The following ABCC8 variants were observed in gnomAD, a reference collection of about 807,000 sequenced individuals.
ABCC8 encodes the protein ATP-binding cassette sub-family C member 8.
Under a neutral mutation model 188.0 loss-of-function variants are expected in ABCC8, and 137 were observed. That is an observed-to-expected ratio of 0.73 (90% CI 0.63 to 0.84). The LOEUF is 0.84. Ranked by LOEUF, ABCC8 falls within the 40% of genes least tolerant of loss-of-function variation. ABCC8 has a pLI of 0.00. For synonymous variants in ABCC8, 797 were observed against 846.5 expected (o/e 0.94, Z 1.01); for missense variants, 1,750 against 2,072.7 (o/e 0.84, Z 3.02).
intron 33 of ABCC8, chr11:17,396,651 C>T (rs924738276): frequency 3.9e-5 from 20 of 509,462 alleles, no homozygotes; most frequent in Admixed American, 2.9e-4. Context: ...TGACAAAGCC[C>T]GTGTGAGCTG....
chr11:17,422,364 TG>T (rs901089252), intron 16 of ABCC8, among the ~76,000 whole-genome samples: 5 of 152,200 alleles, frequency 3.3e-5, no homozygotes, highest in Non-Finnish European at 1.5e-5. Flanking sequence ...CATCATCCTT[TG>T]TCATAAGCAT....
chr11:17,448,068 A>G (rs1956607423), intron 8 of ABCC8: 2 of 192,320 alleles, frequency 1.0e-5, no homozygotes, highest in Admixed American at 1.1e-4. Context: ...GCTACAACAT[A>G]GCTTTTAAGA....
intron 10 of ABCC8, among the ~76,000 whole-genome samples, chr11:17,439,605 C>T (rs1206249763): frequency 6.6e-6 from 1 of 152,126 alleles, no homozygotes; most frequent in Non-Finnish European, 1.5e-5. Context: ...TCTCCCCCTC[C>T]CACTGCTGAC....
intron 29 of ABCC8, among the ~76,000 whole-genome samples, chr11:17,401,841 C>T (rs12271262): frequency 5.2e-4 from 73 of 139,230 alleles, no homozygotes; most frequent in Middle Eastern, 7.0e-3. Flanking sequence ...GGTAGTGAGA[C>T]GATGGCAGGG....
intron 29 of ABCC8, chr11:17,398,962 A>G (rs1352490454): frequency 5.5e-6 from 1 of 182,624 alleles, no homozygotes; most frequent in South Asian, 1.2e-4. Flanking sequence ...CCTCTCCCCC[A>G]CTGTTTAGAA....
rs1429527957 is a variant in ABCC8, at chr11:17,474,910, A to G, written c.266T>C (p.Ile89Thr). 6.2e-7 allele frequency: 1 copy of G among 1,613,990 alleles called. No individual in the cohort carries two copies. The highest frequency in any genetic ancestry group is 1.7e-5 in the Admixed American group (1 of 60,006). The stretch of plus-strand genomic sequence containing the variant: ...CCCATCAGACAGGATGCCCTCTGCA[A>G]TCTCACACACCAGGACGAAGAGCAG... ...FMLLFVLVCE[I>T]AEGILSDGVT... Residue 89 changes from isoleucine (I) to threonine (T), a missense_variant, in exon 2 of 39, where the codon ATT becomes ACT. Transcript: ENST00000389817.
chr11:17,438,877 C>G (rs1366784526), intron 10 of ABCC8, among the ~76,000 whole-genome samples: 4 of 152,210 alleles, frequency 2.6e-5, no homozygotes, highest in African/African-American at 9.7e-5. Context: ...GTCCTCTCTG[C>G]TGTAAAATGG....
At chr11:17,425,951 C>T (rs185651245) in intron 16 of ABCC8, among the ~76,000 whole-genome samples, 2 of 152,164 alleles carry the variant, frequency 1.3e-5, no homozygotes, top group African/African-American at 4.8e-5. Flanking sequence ...TTTTCTGTTC[C>T]TGTGTGAGTT....
At chr11:17,402,594 C>T in intron 29 of ABCC8, 67 bp downstream of exon 29, 3 of 1,613,910 alleles carry the variant, frequency 1.9e-6, no homozygotes, top group African/African-American at 1.3e-5. Flanking sequence ...AGAATCAAAT[C>T]TCATGGCCTG....
rs781678481 is a variant in ABCC8 at position 17,408,456 on chromosome 11, G to C, written c.2756C>G (p.Ser919Cys). ...CCAGTGCTCAAAGAGCTGGCATTCA[G>C]ACCTCTGGAAGTCCTTGAGGGTACC... ...REGTLKDFQR[S>C]ECQLFEHWKT... Residue 919 changes from serine (S) to cysteine (C), a missense_variant, in exon 23 of 39, where the codon TCT becomes TGT. Coordinates refer to ENST00000389817, the MANE Select transcript of ABCC8 (RefSeq NM_000352.6). The C allele has an allele frequency of 1.2e-6, 2 of 1,613,852 alleles. No homozygotes were observed. The highest frequency in any genetic ancestry group is 2.2e-5 in the South Asian group (2 of 91,074).
chr11:17,450,324 T>TCTCTCTCTC (rs1956744775), intron 7 of ABCC8, among the ~76,000 whole-genome samples: 6 of 75,708 alleles, frequency 7.9e-5, no homozygotes, highest in African/African-American at 3.5e-4. Flanking sequence ...CTTTCTTTCT[T>TCTCTCTCTC]TCTCTCTCTC....
chr11:17,468,196 G>T (rs1205993570), intron 3 of ABCC8, among the ~76,000 whole-genome samples: 2 of 152,196 alleles, frequency 1.3e-5, no homozygotes, highest in Non-Finnish European at 2.9e-5. Context: ...ATGGAGCTCA[G>T]ATCCCACCTT....
chr11:17,398,421 T>G lies in ABCC8; in HGVS notation c.3671A>C (p.Gln1224Pro). The change falls in exon 30 of 39, where the codon CAG becomes CCG. Residue 1224 changes from glutamine to proline, a missense_variant. By Grantham distance (76) the Gln-to-Pro change is moderately conservative. Transcript: ENST00000389817. ...GGAGTCTGTGTATTCGAGAAGCTTC[T>G]GCTGGAACCGGGCCTCATACCTGGA... ...RAFRYEARFQ[Q>P]KLLEYTDSNN... 1 of 1,614,116 alleles carries G rather than the reference T, an allele frequency of 6.2e-7. No homozygotes were observed. Among genetic ancestry groups the G allele is most frequent in the Non-Finnish European group, 8.5e-7 (1 of 1,179,998 alleles).
In ABCC8 at chr11:17,412,722, G is replaced by C; in HGVS notation, c.2500C>G (p.Arg834Gly). Residue 834 changes from arginine to glycine, a missense_variant, in exon 21 of 39, where the codon CGC (arginine) becomes GGC (glycine). By Grantham distance (125) the Arg-to-Gly change is moderately radical (BLOSUM62 -2). Coordinates refer to ENST00000389817, the MANE Select transcript of ABCC8 (RefSeq NM_000352.6). ...ERGINLSGGQ[R>G]QRISVARALY... The stretch of plus-strand genomic sequence containing the variant: ...GCTCGGGCCACACTGATTCGCTGGC[G>C]TTGACCACCAGACAGGTTGATGCCC... 1 of 1,611,492 alleles carries C rather than the reference G, an allele frequency of 6.2e-7. No homozygotes were observed. Among genetic ancestry groups the C allele is most frequent in the Non-Finnish European group, 8.5e-7 (1 of 1,178,834 alleles).
Position 17,427,214 on chromosome 11 carries a change from C to A in ABCC8, c.2117-60G>T, listed in dbSNP as rs1955623107. ...CCGGGGGAGTCTGAACAACCATTAC[C>A]CAGAAAGACAGACAGACAGATGCAC... is the stretch of plus-strand genomic sequence containing the variant. On this transcript the variant is annotated intron_variant, in intron 15 of 38. Transcript: ENST00000389817. The surrounding 1 kb of genome is among the most constrained non-coding windows in gnomAD (Gnocchi z 5.0). 1.3e-6 allele frequency: 2 copies of A among 1,519,816 alleles called. No individual in the cohort carries two copies. The highest frequency in any genetic ancestry group is 1.8e-6 in the Non-Finnish European group (2 of 1,131,418). 94.1% of individuals were successfully genotyped at this position (1,519,816 alleles called of 1,614,324 possible).
chr11:17,466,143 G>A (rs538788307), intron 3 of ABCC8, among the ~76,000 whole-genome samples: 2 of 152,272 alleles, frequency 1.3e-5, no homozygotes, highest in African/African-American at 2.4e-5. Flanking sequence ...GCTCTCGCCT[G>A]TAATCCGAGC....
chr11:17,398,252 C>A, intron 30 of ABCC8, 87 bp downstream of exon 30: 1 of 1,526,262 alleles, frequency 6.6e-7, no homozygotes, highest in Non-Finnish European at 9.0e-7. Flanking sequence ...GGTATCCTAT[C>A]CTCTCTTTCA....
intron 38 of ABCC8, 115 bp downstream of exon 38, chr11:17,393,582 G>A: frequency 2.0e-6 from 3 of 1,515,020 alleles, no homozygotes; most frequent in Non-Finnish European, 2.7e-6. Context: ...CTGCTTCAGG[G>A]TTCTTTCTTG....
Position 17,404,754 on chromosome 11 carries a change from A to C in ABCC8, c.3400-85T>G. 6.5e-7 allele frequency: 1 copy of C among 1,532,562 alleles called. No homozygotes were observed. The highest frequency in any genetic ancestry group is 2.0e-5 in the Admixed American group (1 of 50,894). 94.9% of individuals were successfully genotyped at this position (1,532,562 alleles called of 1,614,324 possible). On this transcript the variant is annotated intron_variant, in intron 27 of 38. Transcript: ENST00000389817. This position sits in a 1 kb window ranked among gnomAD's most constrained non-coding sequence, Gnocchi z 4.7. ...CTACTGGCCGCCATGTTTTGCTCTCACTTTATTTTTTGATCCTTTATTTTT... is the reference window on the plus strand; with the variant it reads ...CTACTGGCCGCCATGTTTTGCTCTCCCTTTATTTTTTGATCCTTTATTTTT...
Sources: gnomAD v4.1 joint callset for allele counts (sites outside exome capture counted in the v4.1 genomes callset) on GRCh38, gnomAD v4.1.1 for gene constraint, Gnocchi (gnomAD v3.1) non-coding constraint, MANE v1.5 for transcripts, NCBI Gene and HGNC (gene_info 2026-07-23, HGNC 2026-07-21) for gene names.